Variants in MLXIP observed in about 807,000 individuals in gnomAD.
MLXIP encodes the protein MLX-interacting protein.
A neutral mutation model predicts 87.2 loss-of-function variants in MLXIP; 30 were observed. The ratio of observed to expected loss-of-function variants is 0.34; its 90% CI spans 0.26 to 0.47. The LOEUF (loss-of-function observed/expected upper bound fraction) is 0.47. MLXIP is among the 20% of genes least tolerant of loss of function. The pLI, the probability that MLXIP is intolerant of heterozygous loss-of-function variation, is 1.00. For synonymous variants in MLXIP, 530 were observed against 514.0 expected, an observed-to-expected ratio of 1.03 and a Z score of -0.42; for missense variants, 1,002 against 1,240.1, an observed-to-expected ratio of 0.81 and a Z score of 2.88.
chr12:122,121,009 G>GTTTTTTTTTT lies in MLXIP; in HGVS notation c.414-6247_414-6246insTTTTTTTTTT, dbSNP rs776332981. On this transcript the variant is annotated intron_variant, in intron 1 of 16. Coordinates refer to ENST00000319080, the MANE Select transcript of MLXIP (RefSeq NM_014938.6). Reference sequence around the variant, plus strand: ...TAGCCCCAGAGCCCTCTGCATGCTTGGTTTTTTTTTTTTTTTTTTGAAACG... The same window carrying GTTTTTTTTTT: ...TAGCCCCAGAGCCCTCTGCATGCTTGTTTTTTTTTTGTTTTTTTTTTTTTTTTTTGAAACG... Among the ~76,000 whole-genome samples, 139 of 102,164 alleles carry GTTTTTTTTTT rather than the reference G, an allele frequency of 1.4e-3. 19 individuals carry two copies. The highest frequency in any genetic ancestry group is 0.011 in the Middle Eastern group (2 of 190). The allele number at this position is 102,164 out of a possible 152,430, so 67.0% of individuals were successfully genotyped here.
In MLXIP at chr12:122,133,371, C is replaced by A. The variant is rs748630289; in HGVS notation, c.1116C>A (p.Ala372=). 2.5e-6 allele frequency: 4 copies of A among 1,584,208 alleles called. No homozygotes were observed. The highest frequency in any genetic ancestry group is 2.7e-5 in the African/African-American group (2 of 74,248). The part of the protein sequence containing the change: ...PAQESILPTT[A]LPTVSLPDSL... Reference sequence around the variant, plus strand: ...AGGAGAGCATCCTGCCGACCACAGCCCTCCCCACTGTGAGCCTTCCTGACA... The same window carrying A: ...AGGAGAGCATCCTGCCGACCACAGCACTCCCCACTGTGAGCCTTCCTGACA... Residue 372 remains alanine (A), a synonymous_variant, in exon 9 of 17, where the codon GCC becomes GCA. Transcript: ENST00000319080. This position sits in a 1 kb window ranked among gnomAD's most constrained non-coding sequence, Gnocchi z 4.9.
At chr12:122,128,608 A>G (rs1366548776) in intron 3 of MLXIP, 1 of 158,786 alleles carries the variant, frequency 6.3e-6, no homozygotes, top group East Asian at 1.9e-4. Context: ...CCTTGAGATC[A>G]GAAAGTGAGG....
At chr12:122,111,177 G>T (rs537936227) in intron 1 of MLXIP, among the ~76,000 whole-genome samples, 10 of 152,024 alleles carry the variant, frequency 6.6e-5, no homozygotes, top group African/African-American at 2.4e-4. Context: ...TCTTTGACTT[G>T]TAAGTAGGCT....
In MLXIP at chr12:122,135,611, G is replaced by C. The variant is rs1293460018; in HGVS notation, c.1977G>C (p.Lys659Asn). 2 of 1,573,438 alleles carry C rather than the reference G, an allele frequency of 1.3e-6. No homozygotes were observed. Among genetic ancestry groups the C allele is most frequent in the Admixed American group, 3.7e-5 (2 of 54,278 alleles). Residue 659 changes from lysine (K) to asparagine (N), a missense_variant, in exon 11 of 17, where the codon AAG becomes AAC. Transcript: ENST00000319080. This position sits in a 1 kb window ranked among gnomAD's most constrained non-coding sequence, Gnocchi z 5.3. ...FPSTAQDPLG[K>N]GEQVPLHGGS... is the part of the protein sequence containing the mutation. ...GCACAGCGCAAGACCCCCTGGGGAAGGGCGAGCAGGTCCCGCTGCATGGGG... is the reference window on the plus strand; with the variant it reads ...GCACAGCGCAAGACCCCCTGGGGAACGGCGAGCAGGTCCCGCTGCATGGGG...
At chr12:122,089,379 A>G (rs1335794426) in intron 1 of MLXIP, among the ~76,000 whole-genome samples, 1 of 152,242 alleles carries the variant, frequency 6.6e-6, no homozygotes, top group Non-Finnish European at 1.5e-5. Context: ...AACGCTTTCA[A>G]TGCATTCTTA....
chr12:122,124,982 C>T (rs944104387), intron 1 of MLXIP, among the ~76,000 whole-genome samples: 1 of 152,174 alleles, frequency 6.6e-6, no homozygotes, highest in African/African-American at 2.4e-5. Context: ...GCCTGACCAA[C>T]ATGATGAAAT....
intron 1 of MLXIP, among the ~76,000 whole-genome samples, chr12:122,125,863 A>G (rs1952873639): frequency 6.6e-6 from 1 of 152,194 alleles, no homozygotes; most frequent in Non-Finnish European, 1.5e-5. Context: ...GATAGGCACA[A>G]GGGTCCTGCC....
chr12:122,119,776 G>A (rs1209569394), intron 1 of MLXIP, among the ~76,000 whole-genome samples: 1 of 152,200 alleles, frequency 6.6e-6, no homozygotes, highest in Non-Finnish European at 1.5e-5. Context: ...GCAGTTTAAT[G>A]TCCTTCTCTT....
intron 1 of MLXIP, among the ~76,000 whole-genome samples, chr12:122,123,958 C>T (rs1243771398): frequency 1.3e-5 from 2 of 152,178 alleles, no homozygotes; most frequent in Admixed American, 6.5e-5. Context: ...TGGGCTTTGT[C>T]GAGCTGGCTT....
intron 1 of MLXIP, among the ~76,000 whole-genome samples, chr12:122,094,249 G>C: frequency 2.7e-5 from 1 of 36,822 alleles, no homozygotes; most frequent in South Asian, 1.0e-3. Flanking sequence ...TGTGGTATTG[G>C]TGTGTGTGTT....
intron 1 of MLXIP, among the ~76,000 whole-genome samples, chr12:122,111,144 AATGC>A (rs1051581097): frequency 6.6e-6 from 1 of 152,074 alleles, no homozygotes; most frequent in African/African-American, 2.4e-5. Context: ...TATCCTTTTA[AATGC>A]ATCAGACAGC....
At chr12:122,101,134 A>C (rs1301758396) in intron 1 of MLXIP, among the ~76,000 whole-genome samples, 1 of 152,246 alleles carries the variant, frequency 6.6e-6, no homozygotes, top group Non-Finnish European at 1.5e-5. Flanking sequence ...CTTTTTGCCA[A>C]TTATGAGATG....
At chr12:122,134,152 T>C in intron 9 of MLXIP, 165 bp downstream of exon 9, 1 of 863,696 alleles carries the variant, frequency 1.2e-6, no homozygotes, top group Middle Eastern at 2.3e-4. Flanking sequence ...AAATAATACA[T>C]GGCCATGATC....
At chr12:122,131,349 G>GA (rs897523403) in intron 7 of MLXIP, among the ~76,000 whole-genome samples, 42 of 149,240 alleles carry the variant, frequency 2.8e-4, no homozygotes, top group Admixed American at 9.4e-4. Context: ...CCTTTCTACA[G>GA]AAAAAAAGGT....
At chr12:122,104,746 A>G (rs1952494473) in intron 1 of MLXIP, among the ~76,000 whole-genome samples, 1 of 151,462 alleles carries the variant, frequency 6.6e-6, no homozygotes, top group African/African-American at 2.4e-5. Flanking sequence ...CGCCCAGCTA[A>G]TTTTTTTGTA....
chr12:122,107,386 A>G (rs1952537725), intron 1 of MLXIP, among the ~76,000 whole-genome samples: 2 of 152,068 alleles, frequency 1.3e-5, no homozygotes, highest in South Asian at 2.1e-4. Flanking sequence ...ACCTTTGTTC[A>G]GCATCCCCCC....
At position 122,134,337 on chromosome 12, in the gene MLXIP, G is replaced by C. The variant is rs957520825; in HGVS notation, c.1732+350G>C. Reference sequence around the variant, plus strand: ...AGCCTCCCGAGTAGTTGGGATTACAGGTGTGCGCCACTATACTCGGCTAAT... The same window carrying C: ...AGCCTCCCGAGTAGTTGGGATTACACGTGTGCGCCACTATACTCGGCTAAT... On this transcript the variant is annotated intron_variant, in intron 9 of 16. Coordinates refer to ENST00000319080, the MANE Select transcript of MLXIP (RefSeq NM_014938.6). 7.4e-5 allele frequency: 22 copies of C among 299,262 alleles called. No individual in the cohort carries two copies. In the Admixed American group the frequency reaches 1.0e-3, roughly 14 times the overall value. The allele number at this position is 299,262 out of a possible 1,614,324, so 18.5% of individuals were successfully genotyped here.
In MLXIP at chr12:122,081,119, C is replaced by G. The variant is rs79826299; in HGVS notation, c.413+1853C>G. Among the ~76,000 whole-genome samples the G allele has an allele frequency of 7.2e-3, 1,101 of 152,036 alleles. 12 individuals are homozygous for G. The highest frequency in any genetic ancestry group is 0.024 in the African/African-American group (1,010 of 41,436). Reference sequence around the variant, plus strand: ...TTCATTTCTCTCAAAAATATTTTGGCAGCTGGCCGTTGCTCAGTTAACTTT... The same window carrying G: ...TTCATTTCTCTCAAAAATATTTTGGGAGCTGGCCGTTGCTCAGTTAACTTT... On this transcript the variant is annotated intron_variant, in intron 1 of 16. Coordinates refer to ENST00000319080, the MANE Select transcript of MLXIP (RefSeq NM_014938.6).
chr12:122,138,736 C>A, intron 14 of MLXIP, 79 bp from the exon 15 acceptor site: 2 of 1,558,058 alleles, frequency 1.3e-6, no homozygotes, highest in South Asian at 1.2e-5. Flanking sequence ...CGGCACTGGG[C>A]CAGCCCTGCC....
Sources: allele counts gnomAD v4.1 joint callset (sites outside exome capture counted in the v4.1 genomes callset), GRCh38; gene constraint gnomAD v4.1.1; non-coding constraint Gnocchi (gnomAD v3.1); transcripts MANE v1.5; gene names NCBI Gene and HGNC (gene_info 2026-07-23, HGNC 2026-07-21).